The following RIMKLB variants were observed in gnomAD, a reference collection of about 807,000 sequenced individuals.
The protein encoded by RIMKLB is beta-citrylglutamate synthase B.
Under a neutral mutation model 32.0 loss-of-function variants are expected in RIMKLB, and 7 were observed. That is an observed-to-expected ratio of 0.22 (90% confidence interval 0.12 to 0.41). The LOEUF (loss-of-function observed/expected upper bound fraction) is 0.41. Ranked by LOEUF, RIMKLB falls within the 10% of genes least tolerant of loss-of-function variation. RIMKLB has a pLI of 1.00. For synonymous variants in RIMKLB, 172 were observed against 185.1 expected, an observed-to-expected ratio of 0.93 and a Z score of 0.57; for missense variants, 289 against 498.7, an observed-to-expected ratio of 0.58 and a Z score of 4.00.
chr12:8,749,314 G>T (rs1205578925), intron 2 of RIMKLB, among the ~76,000 whole-genome samples: 2 of 151,724 alleles, frequency 1.3e-5, no homozygotes, highest in Non-Finnish European at 2.9e-5. Flanking sequence ...TGGTTCAAGT[G>T]ATTCTCCTGC....
At chr12:8,701,454 C>T (rs958542097) in intron 1 of RIMKLB, among the ~76,000 whole-genome samples, 3 of 151,244 alleles carry the variant, frequency 2.0e-5, no homozygotes, top group Non-Finnish European at 4.4e-5. Flanking sequence ...TCAAAATTGG[C>T]TTGGAGGACA....
chr12:8,714,905 C>G (rs1265769650), intron 2 of RIMKLB, among the ~76,000 whole-genome samples: 2 of 151,960 alleles, frequency 1.3e-5, no homozygotes, highest in African/African-American at 4.8e-5. Context: ...TATACTAAGC[C>G]CCATGATTTA....
intron 2 of RIMKLB, among the ~76,000 whole-genome samples, chr12:8,732,806 A>G (rs1591794512): frequency 6.7e-6 from 1 of 150,256 alleles, no homozygotes; most frequent in East Asian, 1.9e-4. Context: ...TTTACGCAAA[A>G]GAATCATACA....
intron 2 of RIMKLB, among the ~76,000 whole-genome samples, chr12:8,719,378 T>C (rs1004831663): frequency 4.6e-5 from 7 of 152,116 alleles, no homozygotes; most frequent in African/African-American, 1.7e-4. Flanking sequence ...TTGTTTTGTT[T>C]TGTTTTTGAG....
intron 1 of RIMKLB, among the ~76,000 whole-genome samples, chr12:8,690,518 G>C (rs1392616473): frequency 6.6e-6 from 1 of 152,198 alleles, no homozygotes; most frequent in Non-Finnish European, 1.5e-5. Context: ...AAGCAGTTAA[G>C]AGCATGTACT....
At chr12:8,689,637 C>T (rs908700038) in intron 1 of RIMKLB, among the ~76,000 whole-genome samples, 3 of 152,130 alleles carry the variant, frequency 2.0e-5, no homozygotes, top group Admixed American at 2.0e-4. Context: ...TTAAAGTCTC[C>T]TTCACTTTTT....
At chr12:8,685,680 T>C (rs985944545) in intron 1 of RIMKLB, among the ~76,000 whole-genome samples, 10 of 152,168 alleles carry the variant, frequency 6.6e-5, no homozygotes, top group African/African-American at 2.4e-4. Flanking sequence ...AGATGGAATC[T>C]GGAGCCCAGG....
At chr12:8,777,519 A>G, downstream of RIMKLB, 1 of 1,197,536 alleles carries the variant, frequency 8.4e-7, no homozygotes, top group East Asian at 6.3e-5. Flanking sequence ...AAGATCCTTA[A>G]TGTTTTGCAT....
At chr12:8,742,190 G>C (rs961473311) in intron 2 of RIMKLB, among the ~76,000 whole-genome samples, 4 of 151,906 alleles carry the variant, frequency 2.6e-5, no homozygotes, top group Admixed American at 2.0e-4. Context: ...GAGCCACCAT[G>C]CCCGGCTGGA....
intron 2 of RIMKLB, among the ~76,000 whole-genome samples, chr12:8,718,618 GACA>G (rs1945091048): frequency 6.6e-6 from 1 of 151,076 alleles, no homozygotes; most frequent in Non-Finnish European, 1.5e-5. Flanking sequence ...ACTCTAGTCT[GACA>G]ACAAAGCGAG....
At chr12:8,714,571 G>A (rs994022447) in intron 2 of RIMKLB, among the ~76,000 whole-genome samples, 5 of 151,916 alleles carry the variant, frequency 3.3e-5, no homozygotes, top group African/African-American at 7.3e-5. Flanking sequence ...AAACTAATAC[G>A]GTTTTATAGG....
At chr12:8,683,455 A>ATAG (rs931451269) in intron 1 of RIMKLB, among the ~76,000 whole-genome samples, 1 of 152,150 alleles carries the variant, frequency 6.6e-6, no homozygotes, top group Non-Finnish European at 1.5e-5. Flanking sequence ...GGCCAATCTA[A>ATAG]TAGGGGCATA....
At chr12:8,716,839 C>T (rs1944903213) in intron 2 of RIMKLB, among the ~76,000 whole-genome samples, 1 of 148,708 alleles carries the variant, frequency 6.7e-6, no homozygotes, top group Non-Finnish European at 1.5e-5. Context: ...CAGGCTCAAG[C>T]GATCTTCCCA....
chr12:8,696,146 T>C (rs2136608270), upstream of RIMKLB, among the ~76,000 whole-genome samples: 1 of 152,324 alleles, frequency 6.6e-6, no homozygotes, highest in East Asian at 1.9e-4. Context: ...TAATTAAATA[T>C]TATTATTGAT....
intron 2 of RIMKLB, among the ~76,000 whole-genome samples, chr12:8,720,832 G>T (rs568092114): frequency 1.2e-4 from 18 of 152,090 alleles, no homozygotes; most frequent in African/African-American, 4.1e-4. Context: ...GAGCCACCGC[G>T]CCTGGCCTAC....
intron 1 of RIMKLB, among the ~76,000 whole-genome samples, chr12:8,691,724 C>T (rs934036787): frequency 2.0e-5 from 3 of 152,184 alleles, no homozygotes; most frequent in African/African-American, 4.8e-5. Context: ...TGAACTTAGA[C>T]TACTGAACAG....
chr12:8,777,215 C>CTTGTTTTTT (rs1950777866), downstream of RIMKLB: 2 of 644,908 alleles, frequency 3.1e-6, no homozygotes, highest in African/African-American at 3.2e-5. Context: ...TGCTTGCTTT[C>CTTGTTTTTT]TTTTTTTTTT....
chr12:8,691,284 C>A (rs1171444625), intron 1 of RIMKLB, among the ~76,000 whole-genome samples: 1 of 152,078 alleles, frequency 6.6e-6, no homozygotes, highest in African/African-American at 2.4e-5. Flanking sequence ...TGCCACCACA[C>A]TTGGCCAAAT....
chr12:8,748,493 T>C (rs1591871971), intron 2 of RIMKLB, among the ~76,000 whole-genome samples: 1 of 148,606 alleles, frequency 6.7e-6, no homozygotes, highest in African/African-American at 2.5e-5. Flanking sequence ...TTTTGAAACG[T>C]CCCCCACAGA....
Sources: gnomAD v4.1 joint callset for allele counts (sites outside exome capture counted in the v4.1 genomes callset) on GRCh38, gnomAD v4.1.1 for gene constraint, MANE v1.5 for transcripts, NCBI Gene and HGNC (gene_info 2026-07-23, HGNC 2026-07-21) for gene names.